Variants in GOLGA8B observed in about 807,000 individuals in gnomAD.
GOLGA8B encodes golgin subfamily A member 8B.
Under a neutral mutation model 15.6 loss-of-function variants are expected in GOLGA8B, and 1 was observed. The ratio of observed to expected loss-of-function variants is 0.06; its 90% CI spans 0.02 to 0.30. GOLGA8B has a LOEUF of 0.30. Among genes scored for constraint, GOLGA8B ranks in the 10% least tolerant of loss-of-function variants. The probability of loss-of-function intolerance (pLI) is 1.00; values close to 1 mark genes in which losing one functional copy is unlikely to be tolerated. For missense variants in GOLGA8B, 17 were observed against 201.3 expected, an observed-to-expected ratio of 0.08 and a Z score of 5.54; for synonymous variants, 9 against 80.3, an observed-to-expected ratio of 0.11 and a Z score of 4.75.
Position 34,577,305 on chromosome 15 carries a change from C to T in GOLGA8B, c.-1123+6211G>A, listed in dbSNP as rs952437327. Reference sequence around the variant, plus strand: ...TCCCTAAATGCATGCGGTTACTCAACTAGTGGCTTTACTATTTTTGAAACA... The same window carrying T: ...TCCCTAAATGCATGCGGTTACTCAATTAGTGGCTTTACTATTTTTGAAACA... On this transcript the variant is annotated intron_variant, in intron 1 of 23. Coordinates refer to ENST00000683415, the MANE Select transcript of GOLGA8B (RefSeq NM_001023567.5). Among the ~76,000 whole-genome samples the T allele has an allele frequency of 2.0e-5, 3 of 152,054 alleles. No individual in the cohort carries two copies. The South Asian group carries it at 6.2e-4, about 32-fold the overall frequency.
chr15:34,578,543 G>A (rs535081529), intron 1 of GOLGA8B, among the ~76,000 whole-genome samples: 3 of 152,310 alleles, frequency 2.0e-5, no homozygotes, highest in South Asian at 2.1e-4. Flanking sequence ...GCACTGCCCC[G>A]TCACAGCAGA....
intron 1 of GOLGA8B, among the ~76,000 whole-genome samples, chr15:34,580,657 G>C (rs1889203194): frequency 6.6e-6 from 1 of 152,012 alleles, no homozygotes; most frequent in Non-Finnish European, 1.5e-5. Context: ...ACATGAGCTG[G>C]ACCCAACCCA....
intron 1 of GOLGA8B, among the ~76,000 whole-genome samples, chr15:34,577,352 G>A (rs1411604866): frequency 2.0e-5 from 3 of 152,052 alleles, no homozygotes; most frequent in Non-Finnish European, 2.9e-5. Context: ...CAAGACAGCT[G>A]ATAATCAAAC....
chr15:34,567,469 G>T (rs79843254), intron 1 of GOLGA8B, among the ~76,000 whole-genome samples: 12,233 of 150,798 alleles, frequency 0.081, 3 homozygotes, highest in South Asian at 0.2. Flanking sequence ...GAAGCAGGCT[G>T]CAGCTACTAA....
At chr15:34,564,333 A>T (rs1888699077) in intron 1 of GOLGA8B, among the ~76,000 whole-genome samples, 2 of 124,626 alleles carry the variant, frequency 1.6e-5, no homozygotes, top group East Asian at 2.6e-4. Flanking sequence ...TTTTTCAGTT[A>T]GTTGTAGTAA....
chr15:34,579,084 G>T (rs1414897248), intron 1 of GOLGA8B, among the ~76,000 whole-genome samples: 4 of 152,018 alleles, frequency 2.6e-5, no homozygotes, highest in African/African-American at 4.8e-5. Context: ...CAGGCAAGAG[G>T]CCTCATGCGC....
At chr15:34,532,562 C>T (rs898346985) in intron 11 of GOLGA8B, among the ~76,000 whole-genome samples, 5 of 109,952 alleles carry the variant, frequency 4.5e-5, no homozygotes, top group African/African-American at 1.4e-4. Flanking sequence ...TACGGGGCCC[C>T]TGACAACCAG....
rs1667565025 is a variant in GOLGA8B at position 34,525,668 on chromosome 15, TTTTC to T, written c.*1960_*1963del. 1 of 149,960 alleles carries T rather than the reference TTTTC, an allele frequency of 6.7e-6. No homozygotes were observed. The highest frequency in any genetic ancestry group is 2.5e-5 in the African/African-American group (1 of 40,552). 9.3% of individuals were successfully genotyped at this position (149,960 alleles called of 1,614,324 possible). On this transcript the variant is annotated 3_prime_UTR_variant, in exon 24 of 24. Transcript: ENST00000683415. ...TAGCCACATTATTTGGTCTAATATTTTTTCTTTATTATTCTGAAACTGGGTTTAT... is the reference window on the plus strand; with the variant it reads ...TAGCCACATTATTTGGTCTAATATTTTTTATTATTCTGAAACTGGGTTTAT...
chr15:34,548,293 C>T (rs1409369409), intron 4 of GOLGA8B, among the ~76,000 whole-genome samples: 2 of 150,330 alleles, frequency 1.3e-5, no homozygotes, highest in African/African-American at 4.9e-5. Flanking sequence ...AGGGTCAACC[C>T]GAAGAATCAC....
intron 1 of GOLGA8B, among the ~76,000 whole-genome samples, chr15:34,580,961 G>A (rs944694218): frequency 2.6e-5 from 4 of 152,222 alleles, no homozygotes; most frequent in Admixed American, 1.3e-4. Flanking sequence ...CACACAGCCT[G>A]TGAGTGGTAC....
chr15:34,527,490 C>T lies in GOLGA8B; in HGVS notation c.*142G>A. The stretch of plus-strand genomic sequence containing the variant: ...TCTCTTTTAACTTTTTACAAATAAA[C>T]TTAAACTATAAATTAGAAACACAAA... On this transcript the variant is annotated 3_prime_UTR_variant, in exon 24 of 24. Transcript: ENST00000683415. 4 of 713,156 alleles carry T rather than the reference C, an allele frequency of 5.6e-6. No individual in the cohort carries two copies. Among genetic ancestry groups the T allele is most frequent in the Admixed American group, 3.5e-5 (1 of 28,470 alleles). The allele number at this position is 713,156 out of a possible 1,614,324, so 44.2% of individuals were successfully genotyped here.
At chr15:34,567,445 G>A (rs541301091) in intron 1 of GOLGA8B, among the ~76,000 whole-genome samples, 33 of 151,896 alleles carry the variant, frequency 2.2e-4, no homozygotes, top group African/African-American at 6.3e-4. Flanking sequence ...AGGCCACCAC[G>A]GGGGCAGAGA....
At chr15:34,572,296 G>C (rs76020382) in intron 1 of GOLGA8B, among the ~76,000 whole-genome samples, 1 of 148,504 alleles carries the variant, frequency 6.7e-6, no homozygotes, top group Non-Finnish European at 1.5e-5. Flanking sequence ...ATTCAGCCCC[G>C]CAAGTCCACT....
intron 1 of GOLGA8B, among the ~76,000 whole-genome samples, chr15:34,560,062 C>T: frequency 6.7e-6 from 1 of 149,754 alleles, no homozygotes; most frequent in Non-Finnish European, 1.5e-5. Flanking sequence ...GGGAGCCTCC[C>T]CTTCTCTCCT....
chr15:34,581,794 A>C (rs1470987077), intron 1 of GOLGA8B, among the ~76,000 whole-genome samples: 1 of 152,140 alleles, frequency 6.6e-6, no homozygotes, highest in Non-Finnish European at 1.5e-5. Context: ...CCCAAGAGCC[A>C]GACAGTGGGG....
chr15:34,579,842 T>C (rs959565670), intron 1 of GOLGA8B, among the ~76,000 whole-genome samples: 7 of 152,240 alleles, frequency 4.6e-5, no homozygotes, highest in Non-Finnish European at 8.8e-5. Context: ...GGCACTTTTC[T>C]AGCTACTGGG....
chr15:34,563,035 TA>T (rs1207416180), intron 1 of GOLGA8B, among the ~76,000 whole-genome samples: 1 of 59,176 alleles, frequency 1.7e-5, no homozygotes, highest in Non-Finnish European at 4.0e-5. Context: ...AAAAAATAAA[TA>T]AATAAATAAA....
intron 1 of GOLGA8B, among the ~76,000 whole-genome samples, chr15:34,580,713 G>A (rs1889204400): frequency 6.6e-6 from 1 of 152,124 alleles, no homozygotes. Flanking sequence ...GGAAAGGAAA[G>A]AGCCGGAGAA....
intron 1 of GOLGA8B, among the ~76,000 whole-genome samples, chr15:34,571,889 A>G (rs1303195739): frequency 1.3e-5 from 2 of 152,132 alleles, no homozygotes; most frequent in Admixed American, 1.3e-4. Context: ...GACAAGTGGC[A>G]TCTGAGAGAA....
Sources: gnomAD v4.1 joint callset for allele counts (sites outside exome capture counted in the v4.1 genomes callset) on GRCh38, gnomAD v4.1.1 for gene constraint, MANE v1.5 for transcripts, NCBI Gene and HGNC (gene_info 2026-07-23, HGNC 2026-07-21) for gene names.